XNDC1N: variants seen among roughly 807,000 people sequenced by gnomAD.
XNDC1N encodes protein XNDC1N.
the XNDC1N span, chr11:71,904,212 C>A: frequency 2.5e-6 from 1 of 399,204 alleles, no homozygotes; most frequent in Non-Finnish European, 5.0e-6. Flanking sequence ...ACAGGGTGAA[C>A]ACCCATTGTG....
chr11:71,916,456 T>A, the XNDC1N span: 1 of 561,726 alleles, frequency 1.8e-6, no homozygotes, highest in Non-Finnish European at 3.2e-6. Flanking sequence ...CTTCTCATAT[T>A]CAGTCTCTTG....
chr11:71,919,821 G>A, the XNDC1N span, among the ~76,000 whole-genome samples: 1 of 146,222 alleles, frequency 6.8e-6, no homozygotes, highest in East Asian at 2.1e-4. Flanking sequence ...GTTTCACCGT[G>A]TTAGCCAGGA....
At chr11:71,908,705 T>C in the XNDC1N span, among the ~76,000 whole-genome samples, 2 of 152,166 alleles carry the variant, frequency 1.3e-5, no homozygotes, top group Non-Finnish European at 2.9e-5. Flanking sequence ...CTCCAAGCTG[T>C]TATCCAGACC....
At chr11:71,874,971 T>C in the XNDC1N span, among the ~76,000 whole-genome samples, 513 of 152,308 alleles carry the variant, frequency 3.4e-3, no homozygotes, top group Non-Finnish European at 5.6e-3. Flanking sequence ...TCGCTCCATA[T>C]AAGTTAAGCA....
the XNDC1N span, among the ~76,000 whole-genome samples, chr11:71,915,105 T>C: frequency 6.6e-6 from 1 of 152,140 alleles, no homozygotes; most frequent in Non-Finnish European, 1.5e-5. Context: ...ACCACCCTGA[T>C]CTGTCAGCAG....
At chr11:71,866,264 T>C in the XNDC1N span, among the ~76,000 whole-genome samples, 1 of 140,872 alleles carries the variant, frequency 7.1e-6, no homozygotes, top group Non-Finnish European at 1.5e-5. Flanking sequence ...AATCCACGTT[T>C]TAGGACATTT....
the XNDC1N span, among the ~76,000 whole-genome samples, chr11:71,880,902 A>C: frequency 6.6e-6 from 1 of 152,062 alleles, no homozygotes; most frequent in Non-Finnish European, 1.5e-5. Context: ...ATTTTTCAAA[A>C]TTTGTTGAAA....
At chr11:71,898,770 A>C in the XNDC1N span, among the ~76,000 whole-genome samples, 1 of 152,258 alleles carries the variant, frequency 6.6e-6, no homozygotes, top group East Asian at 1.9e-4. Context: ...GAAAGATAAA[A>C]CTGTTCTGGA....
the XNDC1N span, among the ~76,000 whole-genome samples, chr11:71,912,026 A>G: frequency 2.2e-4 from 33 of 152,292 alleles, no homozygotes; most frequent in East Asian, 9.6e-4. Context: ...GCTGCTAGGA[A>G]CTGCAGTTGT....
At chr11:71,926,440 A>G in the XNDC1N span, among the ~76,000 whole-genome samples, 9 of 152,200 alleles carry the variant, frequency 5.9e-5, no homozygotes, top group Non-Finnish European at 1.5e-5. Flanking sequence ...CTCACTAAGT[A>G]GCAAGCTCTT....
At chr11:71,920,827 A>C in the XNDC1N span, among the ~76,000 whole-genome samples, 2 of 151,960 alleles carry the variant, frequency 1.3e-5, no homozygotes, top group East Asian at 3.9e-4. Context: ...TCTGGGTCAA[A>C]ATTTCTTTCC....
chr11:71,905,966 C>A, the XNDC1N span, among the ~76,000 whole-genome samples: 1 of 151,584 alleles, frequency 6.6e-6, no homozygotes, highest in African/African-American at 2.4e-5. Flanking sequence ...AGTAGCATCC[C>A]CCTACAATAT....
chr11:71,901,433 C>T, the XNDC1N span, among the ~76,000 whole-genome samples: 3 of 151,942 alleles, frequency 2.0e-5, no homozygotes, highest in Non-Finnish European at 4.4e-5. Flanking sequence ...CACGTCTCTA[C>T]TCAAAATAGA....
At chr11:71,871,486 T>G in the XNDC1N span, among the ~76,000 whole-genome samples, 1 of 152,188 alleles carries the variant, frequency 6.6e-6, no homozygotes, top group Non-Finnish European at 1.5e-5. Flanking sequence ...GTAAAAAATG[T>G]ATTATACATT....
At chr11:71,893,700 G>C in the XNDC1N span, 6 of 1,325,156 alleles carry the variant, frequency 4.5e-6, no homozygotes, top group African/African-American at 1.5e-5. Flanking sequence ...CCTCGGCCAC[G>C]GTTCCCAATA....
At chr11:71,889,785 G>A in the XNDC1N span, among the ~76,000 whole-genome samples, 2 of 152,098 alleles carry the variant, frequency 1.3e-5, 1 homozygote, top group Non-Finnish European at 2.9e-5. Flanking sequence ...GTCTCCAAGT[G>A]GACTTCACAG....
the XNDC1N span, among the ~76,000 whole-genome samples, chr11:71,896,732 GT>G: frequency 6.6e-6 from 1 of 152,200 alleles, no homozygotes; most frequent in Non-Finnish European, 1.5e-5. Flanking sequence ...CCCAGCTAAT[GT>G]TGTATTTCTG....
At chr11:71,868,788 G>A in the XNDC1N span, among the ~76,000 whole-genome samples, 1 of 152,118 alleles carries the variant, frequency 6.6e-6, no homozygotes, top group East Asian at 1.9e-4. Context: ...GTATCTTGCA[G>A]GGGTTCTCTG....
the XNDC1N span, among the ~76,000 whole-genome samples, chr11:71,888,418 G>C: frequency 1.3e-5 from 2 of 152,160 alleles, no homozygotes; most frequent in Non-Finnish European, 2.9e-5. Context: ...GGCGGGGACC[G>C]GGAAACTTTG....
Sources: gnomAD v4.1 joint callset for allele counts (sites outside exome capture counted in the v4.1 genomes callset) on GRCh38, gnomAD v4.1.1 for gene constraint, MANE v1.5 for transcripts, NCBI Gene and HGNC (gene_info 2026-07-23, HGNC 2026-07-21) for gene names.